Variants in CCSER1 observed in about 807,000 individuals in gnomAD.
The protein encoded by CCSER1 is serine-rich coiled-coil domain-containing protein 1.
In CCSER1, 41 loss-of-function variants were observed where a neutral mutation model predicts 82.0. That is an observed-to-expected ratio of 0.50 (90% CI 0.39 to 0.65). The LOEUF (loss-of-function observed/expected upper bound fraction) is 0.65, where lower values mean the gene tolerates loss of function less well. Among genes scored for constraint, CCSER1 ranks in the 30% least tolerant of loss-of-function variants. The probability of loss-of-function intolerance (pLI) is 0.00; values close to 1 mark genes in which losing one functional copy is unlikely to be tolerated. For synonymous variants in CCSER1, 414 were observed against 383.9 expected (o/e 1.08, Z -0.92); for missense variants, 1,119 against 1,064.2 (o/e 1.05, Z -0.72).
intron 1 of CCSER1, among the ~76,000 whole-genome samples, chr4:90,226,669 A>C (rs946573052): frequency 6.6e-6 from 1 of 152,258 alleles, no homozygotes; most frequent in Non-Finnish European, 1.5e-5. Context: ...CAGGTGCTTC[A>C]CAAAGGGGCT....
At chr4:90,614,965 G>A (rs1041609215) in intron 5 of CCSER1, among the ~76,000 whole-genome samples, 1 of 152,076 alleles carries the variant, frequency 6.6e-6, no homozygotes, top group South Asian at 2.1e-4. Context: ...TCTTGATAGG[G>A]ACTAAAGCAG....
chr4:91,418,702 TC>T (rs1397329507), intron 10 of CCSER1, among the ~76,000 whole-genome samples: 6 of 151,864 alleles, frequency 4.0e-5, no homozygotes, highest in Non-Finnish European at 7.4e-5. Context: ...AAGAAACACC[TC>T]CCAAACTCAT....
chr4:91,027,318 C>T (rs527693655), intron 9 of CCSER1, among the ~76,000 whole-genome samples: 1 of 152,010 alleles, frequency 6.6e-6, no homozygotes, highest in African/African-American at 2.4e-5. Context: ...GGGAGATAAT[C>T]ACATAAGTAA....
At chr4:91,314,667 CT>C (rs1436144895) in intron 10 of CCSER1, among the ~76,000 whole-genome samples, 2 of 151,934 alleles carry the variant, frequency 1.3e-5, no homozygotes, top group Non-Finnish European at 2.9e-5. Context: ...AAGCTCCCCA[CT>C]TTTCCAAGAG....
intron 1 of CCSER1, among the ~76,000 whole-genome samples, chr4:90,194,668 A>G (rs1440889662): frequency 6.6e-6 from 1 of 152,070 alleles, no homozygotes. Context: ...TGATCCAAGT[A>G]ATTTACCACC....
At chr4:90,720,140 C>T (rs1168025727) in intron 6 of CCSER1, among the ~76,000 whole-genome samples, 1 of 152,044 alleles carries the variant, frequency 6.6e-6, no homozygotes, top group Admixed American at 6.6e-5. Context: ...GTCTCTTTGG[C>T]ATACCCCTGT....
intron 8 of CCSER1, among the ~76,000 whole-genome samples, chr4:90,830,498 C>T (rs1760994719): frequency 6.6e-6 from 1 of 152,126 alleles, no homozygotes; most frequent in Non-Finnish European, 1.5e-5. Context: ...CTGAGAGGAA[C>T]AAAGCAAATA....
intron 5 of CCSER1, among the ~76,000 whole-genome samples, chr4:90,606,543 G>A (rs1172980566): frequency 2.0e-5 from 3 of 152,224 alleles, no homozygotes; most frequent in African/African-American, 4.8e-5. Context: ...CACACTTGAC[G>A]TGATATAGAG....
chr4:91,524,264 A>G (rs1760659569), intron 10 of CCSER1, among the ~76,000 whole-genome samples: 1 of 152,226 alleles, frequency 6.6e-6, no homozygotes, highest in South Asian at 2.1e-4. Context: ...AACAGAGGTT[A>G]TAACATCTCT....
intron 8 of CCSER1, among the ~76,000 whole-genome samples, chr4:90,915,613 G>A (rs1727241935): frequency 6.6e-6 from 1 of 152,152 alleles, no homozygotes; most frequent in African/African-American, 2.4e-5. Flanking sequence ...ACAAGACAGG[G>A]ATGCCCTCTC....
chr4:90,265,432 T>G (rs1725066453), intron 1 of CCSER1, among the ~76,000 whole-genome samples: 1 of 151,868 alleles, frequency 6.6e-6, no homozygotes, highest in Admixed American at 6.6e-5. Flanking sequence ...TAGTGTAATA[T>G]TAGGACTGGT....
intron 10 of CCSER1, among the ~76,000 whole-genome samples, chr4:91,106,539 A>G (rs1255327211): frequency 6.6e-6 from 1 of 152,108 alleles, no homozygotes; most frequent in African/African-American, 2.4e-5. Context: ...TGGTCTGTCT[A>G]TCTTGCCTAC....
chr4:90,250,285 T>C (rs1186586141), intron 1 of CCSER1, among the ~76,000 whole-genome samples: 1 of 152,104 alleles, frequency 6.6e-6, no homozygotes, highest in Non-Finnish European at 1.5e-5. Context: ...GCATTGTATC[T>C]AAGAAGGTTT....
intron 4 of CCSER1, among the ~76,000 whole-genome samples, chr4:90,444,359 C>T (rs1760330238): frequency 9.2e-5 from 14 of 151,864 alleles, no homozygotes; most frequent in Admixed American, 9.2e-4. Context: ...TAGAATGCAC[C>T]CACACGTTTG....
intron 1 of CCSER1, among the ~76,000 whole-genome samples, chr4:90,256,062 G>C (rs1723228221): frequency 6.6e-6 from 1 of 152,038 alleles, no homozygotes; most frequent in African/African-American, 2.4e-5. Context: ...CCAGAAGTAT[G>C]CCAAAATTTT....
intron 9 of CCSER1, among the ~76,000 whole-genome samples, chr4:90,929,505 T>C (rs1384866272): frequency 2.0e-5 from 3 of 152,202 alleles, no homozygotes. Flanking sequence ...ACTGAATGAT[T>C]CTTTTTAAAA....
intron 10 of CCSER1, chr4:91,319,863 C>T (rs911507967): frequency 1.6e-5 from 6 of 364,498 alleles, no homozygotes; most frequent in East Asian, 7.5e-5. Context: ...CACTATCCAC[C>T]GTTTCACTTA....
chr4:91,223,788 A>G (rs942566349), intron 10 of CCSER1, among the ~76,000 whole-genome samples: 1 of 152,096 alleles, frequency 6.6e-6, no homozygotes, highest in Non-Finnish European at 1.5e-5. Context: ...AGTTATAGAG[A>G]AAATCCTTAA....
chr4:90,901,104 G>A (rs140526921), intron 8 of CCSER1, among the ~76,000 whole-genome samples: 83 of 151,942 alleles, frequency 5.5e-4, no homozygotes, highest in Non-Finnish European at 2.8e-4. Context: ...TACTAAAATA[G>A]CAACCCCTGC....
Sources: allele counts gnomAD v4.1 joint callset (sites outside exome capture counted in the v4.1 genomes callset), GRCh38; gene constraint gnomAD v4.1.1; transcripts MANE v1.5; gene names NCBI Gene and HGNC (gene_info 2026-07-23, HGNC 2026-07-21).